Variants in SRC observed in about 807,000 individuals in gnomAD.
SRC encodes SRC proto-oncogene, non-receptor tyrosine kinase.
A neutral mutation model predicts 62.9 loss-of-function variants in SRC; 13 were observed. The observed-to-expected ratio is 0.21, with a 90% confidence interval of 0.13 to 0.33. The LOEUF is 0.33. Among genes scored for constraint, SRC ranks in the 10% least tolerant of loss-of-function variants. The pLI, the probability that SRC is intolerant of heterozygous loss-of-function variation, is 1.00. For synonymous variants in SRC, 302 were observed against 317.5 expected, an observed-to-expected ratio of 0.95 and a Z score of 0.52; for missense variants, 457 against 737.3, an observed-to-expected ratio of 0.62 and a Z score of 4.40.
At chr20:37,356,910 G>C (rs2069890569) in intron 1 of SRC, among the ~76,000 whole-genome samples, 2 of 152,210 alleles carry the variant, frequency 1.3e-5, no homozygotes, top group Admixed American at 6.5e-5. Flanking sequence ...TGGCCTTTGA[G>C]AGCCTCAGTT....
chr20:37,386,206 G>T, intron 5 of SRC, 32 bp downstream of exon 5: 1 of 1,602,700 alleles, frequency 6.2e-7, no homozygotes. Flanking sequence ...GCCCCTCAGG[G>T]CTGGGTGGTG....
At position 37,404,174 on chromosome 20, in the gene SRC, G is replaced by C. The variant is rs1399390192; in HGVS notation, c.*795G>C. On this transcript the variant is annotated 3_prime_UTR_variant, in exon 14 of 14. Transcript: ENST00000373578. ...ACCAACAATTCGTCGGAGGCATCATGGAAAGACTGGGACAGCCCAGGAAAC... is the reference window on the plus strand; with the variant it reads ...ACCAACAATTCGTCGGAGGCATCATCGAAAGACTGGGACAGCCCAGGAAAC... The C allele has an allele frequency of 4.3e-6, 1 of 233,638 alleles. No homozygotes were observed. The highest frequency in any genetic ancestry group is 2.2e-5 in the African/African-American group (1 of 45,310). 14.5% of individuals were successfully genotyped at this position (233,638 alleles called of 1,614,324 possible). A position where few individuals can be genotyped will look rare whatever the true frequency, so the allele number is the denominator to read the frequency against.
At chr20:37,389,029 A>C (rs948137203) in intron 5 of SRC, among the ~76,000 whole-genome samples, 4 of 152,104 alleles carry the variant, frequency 2.6e-5, no homozygotes, top group African/African-American at 9.7e-5. Context: ...GCTGGCTGTC[A>C]GGGCAGTAGA....
rs2070600188 is a variant in SRC, at chr20:37,394,205, T to G, written c.481T>G (p.Ser161Ala). The change falls in exon 7 of 14, where the codon TCA becomes GCA. Residue 161 changes from serine (S) to alanine (A), a missense_variant. Physicochemically the swap from Ser to Ala is moderately conservative, Grantham distance 99 (BLOSUM62 1). Coordinates refer to ENST00000373578, the MANE Select transcript of SRC (RefSeq NM_198291.3). ...WYFGKITRRE[S>A]ERLLLNAENP... is the part of the protein sequence containing the mutation. ...TTTTGGCAAGATCACCAGACGGGAG[T>G]CAGAGCGGTTACTGCTCAATGCAGA... 6.2e-7 allele frequency: 1 copy of G among 1,613,722 alleles called. No homozygotes were observed. The highest frequency in any genetic ancestry group is 1.7e-5 in the Admixed American group (1 of 59,994).
intron 2 of SRC, among the ~76,000 whole-genome samples, chr20:37,368,545 T>G (rs1600973302): frequency 1.4e-5 from 1 of 73,440 alleles, no homozygotes; most frequent in East Asian, 3.4e-4. Flanking sequence ...TTTTTTTTTG[T>G]TTTTTTTTTT....
At chr20:37,368,793 C>T (rs1351853149) in intron 2 of SRC, among the ~76,000 whole-genome samples, 4 of 151,826 alleles carry the variant, frequency 2.6e-5, no homozygotes, top group Non-Finnish European at 5.9e-5. Context: ...CCTCGTGATC[C>T]GCCCGCCTCG....
At chr20:37,390,923 G>A (rs2070537360) in intron 5 of SRC, among the ~76,000 whole-genome samples, 1 of 152,154 alleles carries the variant, frequency 6.6e-6, no homozygotes, top group Admixed American at 6.5e-5. Context: ...AGTAAAATTG[G>A]AGTGCATCTC....
intron 1 of SRC, among the ~76,000 whole-genome samples, chr20:37,364,810 G>T (rs952034829): frequency 1.3e-5 from 2 of 152,212 alleles, no homozygotes; most frequent in African/African-American, 2.4e-5. Flanking sequence ...GAGAAGCCCA[G>T]GAGTGCACCA....
Position 37,402,936 on chromosome 20 carries a change from C to G in SRC, c.1402+56C>G, listed in dbSNP as rs1207246015. The G allele has an allele frequency of 1.3e-6, 2 of 1,570,132 alleles. No individual in the cohort carries two copies. Among genetic ancestry groups the G allele is most frequent in the Non-Finnish European group, 1.7e-6 (2 of 1,160,392 alleles). On this transcript the variant is annotated intron_variant, in intron 13 of 13. Coordinates refer to ENST00000373578, the MANE Select transcript of SRC (RefSeq NM_198291.3). This position sits in a 1 kb window ranked among gnomAD's most constrained non-coding sequence, Gnocchi z 6.2. Reference sequence around the variant, plus strand: ...CCCTGAATCCCTCTGCCCTGGTGGCCTTGGGCAAGTCATGACTCCTGCTGG... The same window carrying G: ...CCCTGAATCCCTCTGCCCTGGTGGCGTTGGGCAAGTCATGACTCCTGCTGG...
intron 1 of SRC, among the ~76,000 whole-genome samples, chr20:37,357,136 C>G (rs1274178314): frequency 1.3e-5 from 2 of 152,182 alleles, no homozygotes; most frequent in Non-Finnish European, 2.9e-5. Context: ...GACAAAGCCC[C>G]TTTGTGGAGG....
intron 1 of SRC, among the ~76,000 whole-genome samples, chr20:37,358,887 G>A (rs920849519): frequency 6.6e-6 from 1 of 152,266 alleles, no homozygotes; most frequent in Admixed American, 6.5e-5. Flanking sequence ...TGAGTCTACT[G>A]TCCCTGAGCA....
chr20:37,348,674 C>T (rs763749566), intron 1 of SRC, among the ~76,000 whole-genome samples: 45 of 152,116 alleles, frequency 3.0e-4, no homozygotes, highest in Non-Finnish European at 5.9e-4. Flanking sequence ...TGGTTGGATA[C>T]TTGCTGGGGA....
chr20:37,370,073 T>A (rs2146976159), intron 2 of SRC, among the ~76,000 whole-genome samples: 2 of 152,346 alleles, frequency 1.3e-5, no homozygotes, highest in Middle Eastern at 3.4e-3. Context: ...GTGCTGGGAT[T>A]GCAGGTGTGA....
chr20:37,349,977 GGGCCA>G (rs2069779160), intron 1 of SRC, among the ~76,000 whole-genome samples: 1 of 152,232 alleles, frequency 6.6e-6, no homozygotes, highest in Non-Finnish European at 1.5e-5. Context: ...CCAAGTGACA[GGGCCA>G]GGCCTTGGCT....
At position 37,384,545 on chromosome 20, in the gene SRC, GGGGGT is replaced by G. The variant is rs2070418444; in HGVS notation, c.250+147_250+151del. On this transcript the variant is annotated intron_variant, in intron 4 of 13. Transcript: ENST00000373578. The surrounding 1 kb of genome is among the most constrained non-coding windows in gnomAD (Gnocchi z 6.7). ...CGCCCCTGGGTGACTTGGGTGTCCGGGGGGTGGGGGGGCGGCCGTACACACTGTGA... is the reference window on the plus strand; with the variant it reads ...CGCCCCTGGGTGACTTGGGTGTCCGGGGGGGGGCGGCCGTACACACTGTGA... 1 of 945,666 alleles carries G rather than the reference GGGGGT, an allele frequency of 1.1e-6. No homozygotes were observed. 58.6% of individuals were successfully genotyped at this position (945,666 alleles called of 1,614,324 possible). A position where few individuals can be genotyped will look rare whatever the true frequency, so the allele number is the denominator to read the frequency against.
chr20:37,396,794 C>T lies in SRC; in HGVS notation c.703+483C>T, dbSNP rs141251625. The T allele has an allele frequency of 4.0e-3, 727 of 183,094 alleles. 3 individuals are homozygous for T. Among genetic ancestry groups the T allele is most frequent in the Middle Eastern group, 7.1e-3 (3 of 422 alleles). 11.3% of individuals were successfully genotyped at this position (183,094 alleles called of 1,614,324 possible). A position where few individuals can be genotyped will look rare whatever the true frequency, so the allele number is the denominator to read the frequency against. On this transcript the variant is annotated intron_variant, in intron 8 of 13. Coordinates refer to ENST00000373578, the MANE Select transcript of SRC (RefSeq NM_198291.3). This position sits in a 1 kb window ranked among gnomAD's most constrained non-coding sequence, Gnocchi z 6.1. ...TGCTGGGTGAGGGCTCGGGCGTGGG[C>T]GCAGTGCTGTAGCCCACCCACCTGG... is the stretch of plus-strand genomic sequence containing the variant.
chr20:37,377,636 G>A (rs540789051), intron 2 of SRC, among the ~76,000 whole-genome samples: 1 of 152,242 alleles, frequency 6.6e-6, no homozygotes, highest in Non-Finnish European at 1.5e-5. Context: ...AGCACCACCA[G>A]CTGCAGGGCC....
intron 1 of SRC, among the ~76,000 whole-genome samples, chr20:37,350,178 C>T (rs755106950): frequency 6.6e-6 from 1 of 152,232 alleles, no homozygotes; most frequent in Non-Finnish European, 1.5e-5. Flanking sequence ...TGGGAAACCC[C>T]TCTGGCTTCC....
At chr20:37,373,142 G>A in intron 2 of SRC, among the ~76,000 whole-genome samples, 1 of 125,764 alleles carries the variant, frequency 8.0e-6, no homozygotes, top group African/African-American at 3.9e-5. Context: ...ATACACATAT[G>A]TACATATACA....
Sources: allele counts gnomAD v4.1 joint callset (sites outside exome capture counted in the v4.1 genomes callset), GRCh38; gene constraint gnomAD v4.1.1; non-coding constraint Gnocchi (gnomAD v3.1); transcripts MANE v1.5; gene names NCBI Gene and HGNC (gene_info 2026-07-23, HGNC 2026-07-21).